Variants in LMF1 observed in about 807,000 individuals in gnomAD.
The protein encoded by LMF1 is lipase maturation factor 1.
LMF1 carries 68 observed loss-of-function variants against 60.6 expected under a neutral mutation model. That is an observed-to-expected ratio of 1.12 (90% CI 0.92 to 1.37). LMF1 has a LOEUF of 1.37. LMF1 is among the 40% of genes most tolerant of loss of function. The pLI, the probability that LMF1 is intolerant of heterozygous loss-of-function variation, is 0.00. For missense variants in LMF1, 948 were observed against 767.2 expected (o/e 1.24, Z -2.78); for synonymous variants, 418 against 324.7 (o/e 1.29, Z -3.09).
At chr16:861,747 T>C (rs1033818246) in intron 10 of LMF1, among the ~76,000 whole-genome samples, 1 of 152,234 alleles carries the variant, frequency 6.6e-6, no homozygotes, top group Non-Finnish European at 1.5e-5. Flanking sequence ...GTTTCGTTTC[T>C]TCCTTTGTGA....
intron 10 of LMF1, among the ~76,000 whole-genome samples, chr16:857,078 C>T (rs923972254): frequency 1.7e-4 from 26 of 152,380 alleles, no homozygotes; most frequent in African/African-American, 3.4e-4. Flanking sequence ...TCAGGTTCCG[C>T]CAGGTCGTGT....
chr16:932,765 T>G (rs1318376169), intron 3 of LMF1, among the ~76,000 whole-genome samples: 1 of 152,216 alleles, frequency 6.6e-6, no homozygotes, highest in Non-Finnish European at 1.5e-5. Context: ...AAGATTTGTT[T>G]ATCTAAATGT....
upstream of LMF1, among the ~76,000 whole-genome samples, chr16:972,706 G>T (rs1015584968): frequency 6.6e-6 from 1 of 152,204 alleles, no homozygotes; most frequent in African/African-American, 2.4e-5. Context: ...GCTTCCCCTC[G>T]CTGGGCCGAG....
chr16:967,657 TC>T (rs1337038740), intron 1 of LMF1, among the ~76,000 whole-genome samples: 12 of 152,208 alleles, frequency 7.9e-5, no homozygotes, highest in Admixed American at 7.2e-4. Context: ...GTGTCAGGCA[TC>T]CCCGACCACC....
chr16:894,213 A>AC lies in LMF1; in HGVS notation c.664-1142dup, dbSNP rs1202783408. Among the ~76,000 whole-genome samples the AC allele has an allele frequency of 1.7e-3, 11 of 6,414 alleles. 4 individuals are homozygous for AC. Among genetic ancestry groups the AC allele is most frequent in the African/African-American group, 4.3e-3 (8 of 1,842 alleles). 4.2% of individuals were successfully genotyped at this position (6,414 alleles called of 152,430 possible). A position where few individuals can be genotyped will look rare whatever the true frequency, so the allele number is the denominator to read the frequency against. On this transcript the variant is annotated intron_variant, in intron 4 of 10. Coordinates refer to ENST00000262301, the MANE Select transcript of LMF1 (RefSeq NM_022773.4). ...TGTCCGCCCACCCGTCCCCCTGTCC[A>AC]CTGGACTGTCCGCCCACCCGTCCCC...
intron 3 of LMF1, chr16:933,859 G>T (rs988345031): frequency 1.4e-5 from 12 of 854,132 alleles, no homozygotes; most frequent in Non-Finnish European, 1.9e-5. Context: ...ACAAGCCAAA[G>T]TGCCCACCAG....
intron 3 of LMF1, among the ~76,000 whole-genome samples, chr16:913,985 G>A (rs966333593): frequency 1.3e-5 from 2 of 152,226 alleles, no homozygotes; most frequent in Admixed American, 1.3e-4. Context: ...AATGGCGAAT[G>A]CCACATGGCG....
intron 2 of LMF1, among the ~76,000 whole-genome samples, chr16:944,560 G>C (rs930007799): frequency 2.0e-5 from 3 of 152,214 alleles, no homozygotes; most frequent in Non-Finnish European, 4.4e-5. Flanking sequence ...CTCCTTTCCA[G>C]GGACAGCAGT....
rs766879161 is a variant in LMF1, at chr16:981,132, T to C, written c.-135+13A>G. ...CCCCCAGCTCCGAGCCGCGGCCCCT[T>C]GAAGCGCGTTACCTGGACGTGCGCT... On this transcript the variant is annotated intron_variant, in intron 1 of 6. Transcript: ENST00000570014. 2.7e-5 allele frequency: 12 copies of C among 437,278 alleles called. No homozygotes were observed. In the East Asian group the frequency reaches 8.7e-4, roughly 32 times the overall value. 27.1% of individuals were successfully genotyped at this position (437,278 alleles called of 1,614,324 possible).
At chr16:925,886 T>C (rs1266409616) in intron 3 of LMF1, among the ~76,000 whole-genome samples, 1 of 152,296 alleles carries the variant, frequency 6.6e-6, no homozygotes, top group Admixed American at 6.5e-5. Context: ...ATCCTGTATG[T>C]GCATCTGCAT....
chr16:973,512 G>C (rs1408275612), upstream of LMF1, among the ~76,000 whole-genome samples: 2 of 152,196 alleles, frequency 1.3e-5, no homozygotes, highest in Non-Finnish European at 2.9e-5. Flanking sequence ...GGGGAAAGGA[G>C]GGAGCTCTGT....
upstream of LMF1, among the ~76,000 whole-genome samples, chr16:975,286 C>T (rs990889861): frequency 9.9e-5 from 15 of 152,096 alleles, no homozygotes; most frequent in African/African-American, 2.9e-4. Context: ...TGGTGTTCTC[C>T]GGTTGCAGGG....
chr16:868,812 C>T (rs1020968837), intron 10 of LMF1, 132 bp downstream of exon 10: 38 of 644,024 alleles, frequency 5.9e-5, no homozygotes, highest in Non-Finnish European at 1.9e-5. Context: ...CAGCAGGCCC[C>T]ACCTCCTGCC....
intron 5 of LMF1, among the ~76,000 whole-genome samples, chr16:882,690 G>A (rs1018036479): frequency 1.3e-5 from 2 of 152,030 alleles, no homozygotes; most frequent in African/African-American, 4.8e-5. Context: ...AAGCCAGCAA[G>A]CAGGGCCCAT....
chr16:955,592 T>A (rs1391306719), intron 1 of LMF1, among the ~76,000 whole-genome samples: 1 of 152,176 alleles, frequency 6.6e-6, no homozygotes, highest in Admixed American at 6.5e-5. Context: ...ATAAAATGGG[T>A]GCCTGCAGCA....
At chr16:916,606 T>C (rs951554703) in intron 3 of LMF1, among the ~76,000 whole-genome samples, 10 of 152,114 alleles carry the variant, frequency 6.6e-5, no homozygotes, top group African/African-American at 2.4e-4. Flanking sequence ...GGCTGGGCAC[T>C]GGTAGGCCAC....
chr16:855,905 G>T (rs1246296050), intron 10 of LMF1: 1 of 455,994 alleles, frequency 2.2e-6, no homozygotes, highest in Admixed American at 2.3e-5. Flanking sequence ...GCAGGGTGAG[G>T]GCCTCTGGGT....
Position 954,400 on chromosome 16 carries a change from G to C in LMF1, c.460C>G (p.Leu154Val), listed in dbSNP as rs764678952. 1 of 1,612,990 alleles carries C rather than the reference G, an allele frequency of 6.2e-7. No individual in the cohort carries two copies. Among genetic ancestry groups the C allele is most frequent in the South Asian group, 1.1e-5 (1 of 90,926 alleles). Residue 154 changes from leucine (L) to valine (V), a missense_variant, in exon 2 of 11, where the codon CTG (leucine) becomes GTG (valine). Physicochemically the swap from Leu to Val is conservative, Grantham distance 32. Transcript: ENST00000262301. ...ACCAGGGACATGTAGAGGCCCCACA[G>C]GGCAGCCATGAGAAGCATGTTGGCG... ...GCANMLLMAALWGLYMSLVNV... is the reference protein window; with the variant it reads ...GCANMLLMAAVWGLYMSLVNV...
chr16:930,853 G>A (rs1332618950), intron 3 of LMF1, among the ~76,000 whole-genome samples: 2 of 152,208 alleles, frequency 1.3e-5, no homozygotes, highest in Admixed American at 1.3e-4. Context: ...GGGCGCAATG[G>A]CTCATGCCTG....
Sources: allele counts gnomAD v4.1 joint callset (sites outside exome capture counted in the v4.1 genomes callset), GRCh38; gene constraint gnomAD v4.1.1; transcripts MANE v1.5; gene names NCBI Gene and HGNC (gene_info 2026-07-23, HGNC 2026-07-21).